KHDRBS2: variants seen among roughly 807,000 people sequenced by gnomAD.
KHDRBS2 encodes KH RNA binding domain containing, signal transduction associated 2.
Under a neutral mutation model 44.3 loss-of-function variants are expected in KHDRBS2, and 26 were observed. That is an observed-to-expected ratio of 0.59 (90% CI 0.43 to 0.81). KHDRBS2 has a LOEUF of 0.81. Among genes scored for constraint, KHDRBS2 ranks in the 40% least tolerant of loss-of-function variants. The pLI is 0.00. For synonymous variants in KHDRBS2, 194 were observed against 151.1 expected (o/e 1.28, Z -2.08); for missense variants, 476 against 433.1 (o/e 1.10, Z -0.88).
intron 4 of KHDRBS2, among the ~76,000 whole-genome samples, chr6:61,977,685 A>G (rs898537654): frequency 5.3e-5 from 8 of 152,266 alleles, no homozygotes; most frequent in African/African-American, 1.9e-4. Context: ...CCTTTCCACT[A>G]CACCAGGAAA....
At chr6:62,148,064 A>C (rs571329366) in intron 2 of KHDRBS2, among the ~76,000 whole-genome samples, 1 of 152,158 alleles carries the variant, frequency 6.6e-6, no homozygotes, top group Non-Finnish European at 1.5e-5. Flanking sequence ...TTTTACGTTA[A>C]CATTTACAGA....
intron 2 of KHDRBS2, among the ~76,000 whole-genome samples, chr6:62,065,318 A>G (rs1793324844): frequency 6.6e-6 from 1 of 152,080 alleles, no homozygotes; most frequent in South Asian, 2.1e-4. Context: ...ATGCTGCTAT[A>G]AAGACACATG....
chr6:61,982,099 T>C (rs1773959047), intron 3 of KHDRBS2, among the ~76,000 whole-genome samples: 1 of 152,200 alleles, frequency 6.6e-6, no homozygotes, highest in South Asian at 2.1e-4. Context: ...TTACTATTAA[T>C]ACCAAACTAA....
chr6:61,618,965 G>T, the KHDRBS2 span, among the ~76,000 whole-genome samples: 1 of 152,116 alleles, frequency 6.6e-6, no homozygotes, highest in Non-Finnish European at 1.5e-5. Context: ...TGAGGGCAGA[G>T]TTTTCTGTCT....
intron 6 of KHDRBS2, among the ~76,000 whole-genome samples, chr6:61,766,127 G>C (rs1250744688): frequency 6.6e-6 from 1 of 151,452 alleles, no homozygotes; most frequent in South Asian, 2.1e-4. Flanking sequence ...TTTGCTGGAA[G>C]ACTTTTCATT....
chr6:62,129,111 T>C (rs1271461224), intron 2 of KHDRBS2, among the ~76,000 whole-genome samples: 1 of 152,110 alleles, frequency 6.6e-6, no homozygotes, highest in Non-Finnish European at 1.5e-5. Context: ...TTAAAATTAC[T>C]CCATCTTGCT....
At chr6:61,576,835 AAT>A in the KHDRBS2 span, among the ~76,000 whole-genome samples, 1 of 152,116 alleles carries the variant, frequency 6.6e-6, no homozygotes, top group African/African-American at 2.4e-5. Flanking sequence ...CACAAATTCT[AAT>A]ATGTTTTATT....
At chr6:61,685,943 C>A (rs1766768483) in intron 8 of KHDRBS2, among the ~76,000 whole-genome samples, 1 of 151,622 alleles carries the variant, frequency 6.6e-6, no homozygotes, top group African/African-American at 2.4e-5. Context: ...GGGGTCAATT[C>A]AGGAAAAGTT....
intron 1 of KHDRBS2, among the ~76,000 whole-genome samples, chr6:62,187,674 T>A (rs998996383): frequency 3.3e-5 from 5 of 152,076 alleles, no homozygotes; most frequent in African/African-American, 1.2e-4. Context: ...TGTTCTTTTG[T>A]GTGTGTGCTA....
rs182858875 is a variant in KHDRBS2 at position 62,200,715 on chromosome 6, C to T, written c.92-23403G>A. On this transcript the variant is annotated intron_variant, in intron 1 of 8. Coordinates refer to ENST00000281156, the MANE Select transcript of KHDRBS2 (RefSeq NM_152688.4). ...ATCTAGAACTAGAAATACCATTTGA[C>T]GCAGCCATCCCATTACTGGGTATAT... Among the ~76,000 whole-genome samples the T allele has an allele frequency of 4.3e-3, 652 of 152,242 alleles. 2 individuals are homozygous for T. Among genetic ancestry groups the T allele is most frequent in the Middle Eastern group, 0.01 (3 of 294 alleles).
intron 1 of KHDRBS2, among the ~76,000 whole-genome samples, chr6:62,282,714 A>G (rs1841967904): frequency 6.6e-6 from 1 of 152,204 alleles, no homozygotes; most frequent in African/African-American, 2.4e-5. Flanking sequence ...TATATTATTA[A>G]TCATTAAACT....
At chr6:61,886,775 C>A (rs1801013853) in intron 6 of KHDRBS2, among the ~76,000 whole-genome samples, 1 of 152,090 alleles carries the variant, frequency 6.6e-6, no homozygotes, top group Non-Finnish European at 1.5e-5. Flanking sequence ...ATAGCAAATA[C>A]ATATATGTTA....
chr6:62,155,542 T>A (rs753863485), intron 2 of KHDRBS2, among the ~76,000 whole-genome samples: 2 of 152,188 alleles, frequency 1.3e-5, no homozygotes, highest in Non-Finnish European at 2.9e-5. Flanking sequence ...TAGGTCAAGA[T>A]CTATGCATAT....
chr6:61,673,873 C>T, the KHDRBS2 span, among the ~76,000 whole-genome samples: 8 of 148,000 alleles, frequency 5.4e-5, 1 homozygote, highest in South Asian at 1.8e-3. Context: ...AGATTCAATG[C>T]CATCCCCATC....
chr6:62,091,905 T>A (rs956384329), intron 2 of KHDRBS2, among the ~76,000 whole-genome samples: 10 of 152,162 alleles, frequency 6.6e-5, no homozygotes, highest in African/African-American at 1.9e-4. Context: ...GTATTAATTA[T>A]TAATTATTAA....
At chr6:61,677,831 A>G (rs1268785818), downstream of KHDRBS2, among the ~76,000 whole-genome samples, 1 of 151,828 alleles carries the variant, frequency 6.6e-6, no homozygotes, top group African/African-American at 2.4e-5. Flanking sequence ...AAACTGAGAC[A>G]GCCTATTCCC....
intron 7 of KHDRBS2, among the ~76,000 whole-genome samples, chr6:61,721,039 C>A (rs1396537656): frequency 1.3e-5 from 2 of 151,362 alleles, no homozygotes; most frequent in Admixed American, 6.6e-5. Flanking sequence ...ATAGGGAATC[C>A]TTTCCCCATT....
chr6:61,606,480 TA>T, the KHDRBS2 span, among the ~76,000 whole-genome samples: 2 of 152,080 alleles, frequency 1.3e-5, no homozygotes, highest in African/African-American at 4.8e-5. Flanking sequence ...AGAAAAGGCA[TA>T]AAAAATTTTT....
At chr6:62,280,636 G>T (rs1043446454) in intron 1 of KHDRBS2, among the ~76,000 whole-genome samples, 5 of 152,178 alleles carry the variant, frequency 3.3e-5, no homozygotes, top group African/African-American at 1.2e-4. Context: ...AGTATTATCA[G>T]AAGTTTGAAG....
Sources: gnomAD v4.1 joint callset for allele counts (sites outside exome capture counted in the v4.1 genomes callset) on GRCh38, gnomAD v4.1.1 for gene constraint, MANE v1.5 for transcripts, NCBI Gene and HGNC (gene_info 2026-07-23, HGNC 2026-07-21) for gene names.